Variants in SLC44A1 observed in about 807,000 individuals in gnomAD.
The protein encoded by SLC44A1 is solute carrier family 44 member 1.
A neutral mutation model predicts 79.3 loss-of-function variants in SLC44A1; 26 were observed. That is an observed-to-expected ratio of 0.33 (90% CI 0.24 to 0.46). SLC44A1 has a LOEUF of 0.46. Among genes scored for constraint, SLC44A1 ranks in the 20% least tolerant of loss-of-function variants. SLC44A1 has a pLI of 1.00. For missense variants in SLC44A1, 688 were observed against 798.1 expected, an observed-to-expected ratio of 0.86 and a Z score of 1.66; for synonymous variants, 263 against 286.2, an observed-to-expected ratio of 0.92 and a Z score of 0.82.
intron 3 of SLC44A1, among the ~76,000 whole-genome samples, chr9:105,327,225 C>T (rs1357906508): frequency 6.6e-6 from 1 of 152,136 alleles, no homozygotes; most frequent in African/African-American, 2.4e-5. Context: ...CATTCTGCAC[C>T]TTGCAGCTGG....
chr9:105,433,556 G>A (rs891822816), intron 15 of SLC44A1, among the ~76,000 whole-genome samples: 1 of 151,926 alleles, frequency 6.6e-6, no homozygotes, highest in African/African-American at 2.4e-5. Context: ...CAAAACAGAG[G>A]TATCATATTA....
At chr9:105,317,177 A>G (rs113771472) in intron 3 of SLC44A1, among the ~76,000 whole-genome samples, 2,184 of 152,152 alleles carry the variant, frequency 0.014, 18 homozygotes, top group Admixed American at 0.017. Context: ...CATATATTCT[A>G]TGGCTCATGA....
chr9:105,263,356 C>T (rs1356543649), intron 1 of SLC44A1, among the ~76,000 whole-genome samples: 1 of 152,076 alleles, frequency 6.6e-6, no homozygotes, highest in Non-Finnish European at 1.5e-5. Context: ...CGAAATTGGC[C>T]TTTAGTGTGT....
At chr9:105,363,488 A>G (rs1588834412) in intron 9 of SLC44A1, among the ~76,000 whole-genome samples, 1 of 150,502 alleles carries the variant, frequency 6.6e-6, no homozygotes, top group African/African-American at 2.4e-5. Flanking sequence ...TTTTTGAGAC[A>G]GAGTGTCTCT....
At position 105,389,278 on chromosome 9, in the gene SLC44A1, C is replaced by T. The variant is rs1260622714; in HGVS notation, c.*222C>T. 6.6e-6 allele frequency: 8 copies of T among 1,213,558 alleles called. No homozygotes were observed. The highest frequency in any genetic ancestry group is 4.2e-5 in the Admixed American group (1 of 23,996). 75.2% of individuals were successfully genotyped at this position (1,213,558 alleles called of 1,614,324 possible). On this transcript the variant is annotated 3_prime_UTR_variant, in exon 16 of 16. Transcript: ENST00000374720. ...TTGTCAAACATGTACTCCTTTCATA[C>T]GGGTGGCTTTTACAAGGCAACTTCC...
At chr9:105,360,271 C>A (rs1827740722) in intron 7 of SLC44A1, among the ~76,000 whole-genome samples, 1 of 152,032 alleles carries the variant, frequency 6.6e-6, no homozygotes, top group East Asian at 1.9e-4. Flanking sequence ...ACCAGTGAGG[C>A]CTTGCTTACC....
At chr9:105,427,862 A>G (rs1829343401) in intron 15 of SLC44A1, among the ~76,000 whole-genome samples, 1 of 152,192 alleles carries the variant, frequency 6.6e-6, no homozygotes, top group South Asian at 2.1e-4. Context: ...CACCCTTAAT[A>G]ATAACGGCAA....
At chr9:105,376,171 A>G (rs748502230) in intron 13 of SLC44A1, among the ~76,000 whole-genome samples, 15 of 152,110 alleles carry the variant, frequency 9.9e-5, no homozygotes, top group Non-Finnish European at 2.1e-4. Flanking sequence ...TATATATAGC[A>G]TTGTGTGTGA....
Position 105,336,134 on chromosome 9 carries a change from A to ATGTGTGTGTGTGTGTG in SLC44A1, c.406+449_406+464dup, listed in dbSNP as rs35324360. On this transcript the variant is annotated intron_variant, in intron 4 of 15. Coordinates refer to ENST00000374720, the MANE Select transcript of SLC44A1 (RefSeq NM_080546.5). ...TACATACATATGTGTGTGTGTGTGC[A>ATGTGTGTGTGTGTGTG]TGTGTGTGTGTGTGTGTGTGTGTGT... Among the ~76,000 whole-genome samples the ATGTGTGTGTGTGTGTG allele has an allele frequency of 1.6e-3, 234 of 145,070 alleles. 3 individuals are homozygous for ATGTGTGTGTGTGTGTG. The highest frequency in any genetic ancestry group is 0.011 in the Middle Eastern group (3 of 278).
chr9:105,431,775 A>T (rs7025543), intron 15 of SLC44A1, among the ~76,000 whole-genome samples: 19,150 of 152,186 alleles, frequency 0.13, 3,163 homozygotes, highest in African/African-American at 0.39. Flanking sequence ...CACCCTCAAA[A>T]TCACCTGATA....
downstream of SLC44A1, among the ~76,000 whole-genome samples, chr9:105,398,175 G>C (rs1828911079): frequency 6.6e-6 from 1 of 152,126 alleles, no homozygotes; most frequent in South Asian, 2.1e-4. Flanking sequence ...AATAATTTTA[G>C]GTAATGTTAG....
At chr9:105,427,102 T>G (rs1457951578) in intron 15 of SLC44A1, among the ~76,000 whole-genome samples, 1 of 152,072 alleles carries the variant, frequency 6.6e-6, no homozygotes, top group Non-Finnish European at 1.5e-5. Context: ...AGCTAATTTT[T>G]TGTATTTTTT....
intron 12 of SLC44A1, among the ~76,000 whole-genome samples, chr9:105,368,633 A>T (rs1057483382): frequency 1.3e-5 from 2 of 152,254 alleles, no homozygotes; most frequent in Admixed American, 1.3e-4. Context: ...AAATATATAT[A>T]CATTTCTGAG....
At chr9:105,413,321 T>C (rs1829121520) in intron 15 of SLC44A1, among the ~76,000 whole-genome samples, 1 of 152,170 alleles carries the variant, frequency 6.6e-6, no homozygotes, top group African/African-American at 2.4e-5. Flanking sequence ...AAGCTTGAAG[T>C]GGTCGTATGA....
intron 5 of SLC44A1, among the ~76,000 whole-genome samples, chr9:105,351,549 A>AC (rs1491403364): frequency 7.9e-6 from 1 of 125,910 alleles, no homozygotes; most frequent in Admixed American, 7.5e-5. Context: ...AGAAAGAAAG[A>AC]AAGAAAGAGA....
chr9:105,269,000 C>T (rs894256894), intron 1 of SLC44A1, among the ~76,000 whole-genome samples: 1 of 152,174 alleles, frequency 6.6e-6, no homozygotes, highest in Non-Finnish European at 1.5e-5. Context: ...ATTTTAAAAA[C>T]ATAAGTATGA....
In SLC44A1 at chr9:105,388,161, G is replaced by T. The variant is rs201618712; in HGVS notation, c.1951-872G>T. Reference sequence around the variant, plus strand: ...TGGTTAAAAAGTTCCCAGAAGACAAGTGTGAAATGCTGCTCACAGAGTAGT... The same window carrying T: ...TGGTTAAAAAGTTCCCAGAAGACAATTGTGAAATGCTGCTCACAGAGTAGT... On this transcript the variant is annotated intron_variant, in intron 15 of 15. Transcript: ENST00000374720. Among the ~76,000 whole-genome samples, 6 of 152,292 alleles carry T rather than the reference G, an allele frequency of 3.9e-5. No individual in the cohort carries two copies. In the East Asian group the frequency reaches 9.6e-4, roughly 24 times the overall value.
At chr9:105,414,035 G>A (rs1367269516) in intron 15 of SLC44A1, among the ~76,000 whole-genome samples, 6 of 150,514 alleles carry the variant, frequency 4.0e-5, no homozygotes, top group Non-Finnish European at 8.9e-5. Context: ...GCTTTCGCTG[G>A]ACAGTTAGTG....
intron 1 of SLC44A1, among the ~76,000 whole-genome samples, chr9:105,288,330 A>G (rs1342081077): frequency 6.6e-6 from 1 of 151,978 alleles, no homozygotes; most frequent in Admixed American, 6.6e-5. Context: ...ATGTGGAGCT[A>G]TTTTAATGTT....
Sources: gnomAD v4.1 joint callset for allele counts (sites outside exome capture counted in the v4.1 genomes callset) on GRCh38, gnomAD v4.1.1 for gene constraint, MANE v1.5 for transcripts, NCBI Gene and HGNC (gene_info 2026-07-23, HGNC 2026-07-21) for gene names.